MTA3: variants seen among roughly 807,000 people sequenced by gnomAD.
MTA3 encodes the protein metastasis associated 1 family member 3.
A neutral mutation model predicts 83.5 loss-of-function variants in MTA3; 34 were observed. The observed-to-expected ratio is 0.41, with a 90% confidence interval of 0.31 to 0.54. MTA3 has a LOEUF of 0.54. MTA3 is among the 20% of genes least tolerant of loss of function. The pLI is 0.33. For missense variants in MTA3, 761 were observed against 726.4 expected, an observed-to-expected ratio of 1.05 and a Z score of -0.55; for synonymous variants, 303 against 252.7, an observed-to-expected ratio of 1.20 and a Z score of -1.89.
Position 42,562,723 on chromosome 2 carries a change from T to A in MTA3, c.-140-7714T>A, listed in dbSNP as rs567043142. Among the ~76,000 whole-genome samples the A allele has an allele frequency of 2.6e-5, 4 of 152,320 alleles. No individual in the cohort carries two copies. The South Asian group carries it at 8.3e-4, about 32-fold the overall frequency. The stretch of plus-strand genomic sequence containing the variant: ...TTCCCTGGGGCCAGGGTTTGGCTTA[T>A]TCCTTAGATTGGCTGGGCTCTGGGG... On this transcript the variant is annotated intron_variant, in intron 2 of 17. Coordinates refer to the MTA3 transcript ENST00000405592.
At chr2:42,615,773 T>C (rs1051538017) in intron 4 of MTA3, among the ~76,000 whole-genome samples, 1 of 124,114 alleles carries the variant, frequency 8.1e-6, no homozygotes, top group African/African-American at 3.1e-5. Flanking sequence ...CAGGCTGGAG[T>C]GTGGTGGCCT....
At chr2:42,526,053 G>A (rs1675696753) in intron 2 of MTA3, among the ~76,000 whole-genome samples, 1 of 152,024 alleles carries the variant, frequency 6.6e-6, no homozygotes, top group Non-Finnish European at 1.5e-5. Context: ...AATTTCAAAT[G>A]CCACCTGAAG....
intron 3 of MTA3, among the ~76,000 whole-genome samples, chr2:42,588,144 AT>A (rs1680557769): frequency 6.6e-6 from 1 of 152,158 alleles, no homozygotes; most frequent in African/African-American, 2.4e-5. Flanking sequence ...TCTCACTCCA[AT>A]TAGCTTAATG....
At chr2:42,608,751 A>C (rs1014451178) in intron 3 of MTA3, among the ~76,000 whole-genome samples, 1 of 151,972 alleles carries the variant, frequency 6.6e-6, no homozygotes, top group Non-Finnish European at 1.5e-5. Context: ...AGGTGTGGTG[A>C]TGTACGCCTG....
chr2:42,539,705 C>T (rs1389050052), intron 2 of MTA3, among the ~76,000 whole-genome samples: 1 of 151,600 alleles, frequency 6.6e-6, no homozygotes, highest in East Asian at 1.9e-4. Flanking sequence ...CCTCAGCCTC[C>T]TGAGTAGCTG....
At chr2:42,639,107 C>A (rs993172827) in intron 4 of MTA3, among the ~76,000 whole-genome samples, 1 of 148,876 alleles carries the variant, frequency 6.7e-6, no homozygotes, top group African/African-American at 2.5e-5. Context: ...GTCGCCCGGG[C>A]TGGAGTGCAG....
At chr2:42,735,956 T>G (rs1668581199) in intron 16 of MTA3, among the ~76,000 whole-genome samples, 3 of 152,190 alleles carry the variant, frequency 2.0e-5, no homozygotes. Flanking sequence ...TTTAGCTTGT[T>G]TGGTGAGGTC....
intron 16 of MTA3, among the ~76,000 whole-genome samples, chr2:42,740,791 A>G (rs1161394825): frequency 1.3e-5 from 2 of 152,262 alleles, no homozygotes; most frequent in Non-Finnish European, 2.9e-5. Flanking sequence ...TTTATAAAGC[A>G]TAGGCAGAAT....
intron 2 of MTA3, among the ~76,000 whole-genome samples, chr2:42,517,897 C>T (rs1675226124): frequency 6.9e-6 from 1 of 143,904 alleles, no homozygotes; most frequent in African/African-American, 2.6e-5. Context: ...AAAGAAAATA[C>T]AGTAGAGGCT....
chr2:42,670,313 T>C (rs1387151989), intron 8 of MTA3, among the ~76,000 whole-genome samples: 1 of 152,138 alleles, frequency 6.6e-6, no homozygotes, highest in African/African-American at 2.4e-5. Flanking sequence ...ACAAAAATAG[T>C]GCAAAGACTT....
chr2:42,747,242 C>T (rs576640232), intron 16 of MTA3, among the ~76,000 whole-genome samples: 2 of 152,156 alleles, frequency 1.3e-5, no homozygotes, highest in African/African-American at 2.4e-5. Flanking sequence ...TCAGGTTATC[C>T]GCCCACCTCA....
intron 4 of MTA3, among the ~76,000 whole-genome samples, chr2:42,633,384 G>A (rs946240060): frequency 6.6e-6 from 1 of 151,698 alleles, no homozygotes; most frequent in African/African-American, 2.4e-5. Context: ...TTTTAGACCA[G>A]TCTGGGCAAC....
At chr2:42,681,655 G>C (rs1691926936) in intron 8 of MTA3, among the ~76,000 whole-genome samples, 1 of 152,046 alleles carries the variant, frequency 6.6e-6, no homozygotes, top group African/African-American at 2.4e-5. Context: ...TGGGACTGTA[G>C]GCATGCACAA....
intron 11 of MTA3, among the ~76,000 whole-genome samples, chr2:42,699,323 C>G (rs1284184911): frequency 6.6e-6 from 1 of 152,060 alleles, no homozygotes; most frequent in Non-Finnish European, 1.5e-5. Flanking sequence ...CACCTCAGCC[C>G]CCCAGGTAGC....
At chr2:42,552,478 G>A (rs889528614) in intron 2 of MTA3, among the ~76,000 whole-genome samples, 2 of 152,084 alleles carry the variant, frequency 1.3e-5, no homozygotes, top group African/African-American at 4.8e-5. Context: ...TAGCCCCAGG[G>A]GGTGGTGGCT....
intron 4 of MTA3, among the ~76,000 whole-genome samples, chr2:42,627,151 C>T (rs1275731626): frequency 2.6e-5 from 4 of 151,946 alleles, no homozygotes; most frequent in African/African-American, 9.7e-5. Context: ...ATTCGTGGCT[C>T]ATTGCAGCCT....
chr2:42,542,062 C>T (rs1676541698), intron 2 of MTA3, among the ~76,000 whole-genome samples: 1 of 152,190 alleles, frequency 6.6e-6, no homozygotes, highest in African/African-American at 2.4e-5. Flanking sequence ...TCTGGAACTA[C>T]ACTGATAATC....
chr2:42,643,929 G>T (rs1687927198), intron 5 of MTA3, among the ~76,000 whole-genome samples, 198 bp from the exon 6 acceptor site: 1 of 152,078 alleles, frequency 6.6e-6, no homozygotes, highest in Non-Finnish European at 1.5e-5. Flanking sequence ...TGTTTCTTTT[G>T]GCTTGATTTA....
intron 14 of MTA3, among the ~76,000 whole-genome samples, chr2:42,714,780 G>C (rs1337461433): frequency 6.6e-6 from 1 of 152,264 alleles, no homozygotes; most frequent in Non-Finnish European, 1.5e-5. Context: ...TCAGGCATTA[G>C]TTAGAGGCTC....
Sources: gnomAD v4.1 joint callset for allele counts (sites outside exome capture counted in the v4.1 genomes callset) on GRCh38, gnomAD v4.1.1 for gene constraint, MANE v1.5 for transcripts, NCBI Gene and HGNC (gene_info 2026-07-23, HGNC 2026-07-21) for gene names.